SGSM1: variants seen among roughly 807,000 people sequenced by gnomAD.
SGSM1 encodes the protein RUN and TBC1 domain containing 2.
In SGSM1, 73 loss-of-function variants were observed where a neutral mutation model predicts 133.8. The ratio of observed to expected loss-of-function variants is 0.55; its 90% CI spans 0.45 to 0.66. The LOEUF (loss-of-function observed/expected upper bound fraction) is 0.66, where lower values mean the gene tolerates loss of function less well. SGSM1 is among the 30% of genes least tolerant of loss of function. The probability of loss-of-function intolerance (pLI) is 0.00; values close to 1 mark genes in which losing one functional copy is unlikely to be tolerated. For missense variants in SGSM1, 1,213 were observed against 1,448.1 expected, an observed-to-expected ratio of 0.84 and a Z score of 2.64; for synonymous variants, 563 against 573.0, an observed-to-expected ratio of 0.98 and a Z score of 0.25.
At chr22:24,918,056 C>T (rs1933881286) in intron 23 of SGSM1, among the ~76,000 whole-genome samples, 1 of 152,176 alleles carries the variant, frequency 6.6e-6, no homozygotes, top group Admixed American at 6.5e-5. Flanking sequence ...GAACCCATCT[C>T]TTTCATTCTG....
At chr22:24,892,066 C>T (rs926022347) in intron 16 of SGSM1, among the ~76,000 whole-genome samples, 6 of 151,834 alleles carry the variant, frequency 4.0e-5, no homozygotes, top group East Asian at 1.9e-4. Flanking sequence ...GTTCAGGGGG[C>T]GGGGTGGTCA....
chr22:24,902,020 T>G, intron 20 of SGSM1, 63 bp downstream of exon 20: 1 of 1,444,268 alleles, frequency 6.9e-7, no homozygotes, highest in South Asian at 1.3e-5. Context: ...ATGGGGGATG[T>G]AGGGGGCCCG....
At chr22:24,884,567 T>G (rs139716) in intron 15 of SGSM1, among the ~76,000 whole-genome samples, 143,642 of 152,324 alleles carry the variant, frequency 0.94, 67,811 homozygotes, top group East Asian at 1. Context: ...GACCAGCCTG[T>G]CAAACACGGT....
chr22:24,808,013 C>G (rs1927512777), intron 2 of SGSM1, among the ~76,000 whole-genome samples: 2 of 152,070 alleles, frequency 1.3e-5, no homozygotes. Flanking sequence ...CATTGGATCC[C>G]TCAGAAAGGC....
intron 2 of SGSM1, among the ~76,000 whole-genome samples, chr22:24,831,451 C>T (rs1241727461): frequency 6.6e-6 from 1 of 152,100 alleles, no homozygotes; most frequent in African/African-American, 2.4e-5. Flanking sequence ...GGAGGAGGCT[C>T]TCTGGATACC....
intron 2 of SGSM1, among the ~76,000 whole-genome samples, chr22:24,808,266 T>A (rs1478544193): frequency 6.6e-6 from 1 of 152,006 alleles, no homozygotes; most frequent in Non-Finnish European, 1.5e-5. Context: ...GGAGCCACCA[T>A]GTCCGGCTAA....
intron 24 of SGSM1, 92 bp downstream of exon 24, chr22:24,920,085 G>C: frequency 7.5e-7 from 1 of 1,330,570 alleles, no homozygotes; most frequent in Non-Finnish European, 1.0e-6. Flanking sequence ...GGCTGAGATG[G>C]ATGCATGGTG....
At chr22:24,917,821 C>A in intron 23 of SGSM1, 67 bp downstream of exon 23, 2 of 1,372,908 alleles carry the variant, frequency 1.5e-6, no homozygotes, top group South Asian at 1.3e-5. Context: ...GGAAAAGATC[C>A]CGTGGAGGTG....
intron 5 of SGSM1, among the ~76,000 whole-genome samples, chr22:24,853,747 C>A (rs1030075787): frequency 6.6e-6 from 1 of 150,580 alleles, no homozygotes; most frequent in Non-Finnish European, 1.5e-5. Flanking sequence ...GCTGGGACTA[C>A]AGGCACCACC....
At position 24,886,668 on chromosome 22, in the gene SGSM1, C is replaced by T. The variant is rs201779715; in HGVS notation, c.1710C>T (p.Ala570=). The T allele has an allele frequency of 8.9e-6, 14 of 1,568,450 alleles. No homozygotes were observed. In the Admixed American group the frequency reaches 9.5e-5, roughly 11 times the overall value. The change falls in exon 16 of 25, where the codon GCC becomes GCT. Residue 570 remains alanine, a synonymous_variant. Coordinates refer to ENST00000400358, the MANE Select transcript of SGSM1 (RefSeq NM_001098497.3). ...YGGIQPEIRK[A]VWPFLLGHYQ... is the part of the protein sequence containing the mutation. ...GCATCCAGCCTGAGATCCGCAAGGC[C>T]GTGTGGCCCTTCCTCCTGGGCCACT... is the stretch of plus-strand genomic sequence containing the variant.
intron 2 of SGSM1, among the ~76,000 whole-genome samples, chr22:24,831,966 G>T (rs1178639825): frequency 6.6e-6 from 1 of 152,222 alleles, no homozygotes; most frequent in Admixed American, 6.5e-5. Context: ...GCCTAGGTTG[G>T]CTGGGTGCAT....
chr22:24,890,393 C>T (rs1327434853), intron 16 of SGSM1, among the ~76,000 whole-genome samples: 3 of 152,008 alleles, frequency 2.0e-5, no homozygotes, highest in Admixed American at 1.3e-4. Context: ...GTACCCATCA[C>T]CCAGCTTTCC....
chr22:24,837,935 A>T (rs1396415600), intron 2 of SGSM1, among the ~76,000 whole-genome samples: 1 of 152,146 alleles, frequency 6.6e-6, no homozygotes, highest in East Asian at 1.9e-4. Context: ...TGGTATAACT[A>T]TTCTTGTTTT....
At chr22:24,859,034 T>C (rs1391069713) in intron 8 of SGSM1, among the ~76,000 whole-genome samples, 1 of 152,134 alleles carries the variant, frequency 6.6e-6, no homozygotes, top group African/African-American at 2.4e-5. Flanking sequence ...ACTGCACTGC[T>C]CCTCCCTTGG....
chr22:24,875,399 T>C (rs1338508127), intron 12 of SGSM1, among the ~76,000 whole-genome samples: 1 of 152,184 alleles, frequency 6.6e-6, no homozygotes, highest in East Asian at 1.9e-4. Context: ...ATGCTTCCTT[T>C]TTTACATTTT....
chr22:24,850,355 C>G lies in SGSM1; in HGVS notation c.378C>G (p.Ile126Met). The G allele has an allele frequency of 6.2e-7, 1 of 1,613,964 alleles. No individual in the cohort carries two copies. The highest frequency in any genetic ancestry group is 2.2e-5 in the East Asian group (1 of 44,884). The change falls in exon 5 of 25, where the codon ATC becomes ATG. Residue 126 changes from isoleucine to methionine, a missense_variant. Coordinates refer to ENST00000400358, the MANE Select transcript of SGSM1 (RefSeq NM_001098497.3). ...TGCCCAACTTGTCCCCACTTGCCAT[C>G]AAGCATCTGTGGATTCGCACAGCCT... Reference protein sequence around the residue: ...PKLPNLSPLAIKHLWIRTALF... With the variant: ...PKLPNLSPLAMKHLWIRTALF...
intron 2 of SGSM1, among the ~76,000 whole-genome samples, chr22:24,822,490 A>T (rs1429568706): frequency 6.6e-6 from 1 of 152,188 alleles, no homozygotes; most frequent in African/African-American, 2.4e-5. Flanking sequence ...TGCATAGTAC[A>T]TAGTCTTTTC....
At chr22:24,841,050 C>T (rs1013055692) in intron 2 of SGSM1, among the ~76,000 whole-genome samples, 2 of 152,036 alleles carry the variant, frequency 1.3e-5, no homozygotes, top group African/African-American at 2.4e-5. Flanking sequence ...CGGGGTTTCA[C>T]CGTGTTAGCC....
chr22:24,901,633 A>G (rs1050933607), intron 19 of SGSM1, among the ~76,000 whole-genome samples, 200 bp from the exon 20 acceptor site: 3 of 152,020 alleles, frequency 2.0e-5, no homozygotes, highest in African/African-American at 7.2e-5. Flanking sequence ...CTGAGGGAGA[A>G]TTTTCATCCT....
Sources: gnomAD v4.1 joint callset for allele counts (sites outside exome capture counted in the v4.1 genomes callset) on GRCh38, gnomAD v4.1.1 for gene constraint, MANE v1.5 for transcripts, NCBI Gene and HGNC (gene_info 2026-07-23, HGNC 2026-07-21) for gene names.